The following SLC41A2 variants were observed in gnomAD, a reference collection of about 807,000 sequenced individuals.
The protein encoded by SLC41A2 is SLC41A1-like 1.
A neutral mutation model predicts 58.3 loss-of-function variants in SLC41A2; 32 were observed. The observed-to-expected ratio is 0.55, with a 90% CI of 0.41 to 0.74. The LOEUF (loss-of-function observed/expected upper bound fraction) is 0.74. Among genes scored for constraint, SLC41A2 ranks in the 30% least tolerant of loss-of-function variants. The pLI is 0.00. For missense variants in SLC41A2, 514 were observed against 680.6 expected, an observed-to-expected ratio of 0.76 and a Z score of 2.72; for synonymous variants, 190 against 235.0, an observed-to-expected ratio of 0.81 and a Z score of 1.75.
rs182557895 is a variant in SLC41A2 at position 104,953,002 on chromosome 12, C to T, written c.-168+5086G>A. Among the ~76,000 whole-genome samples the T allele has an allele frequency of 3.3e-3, 500 of 152,296 alleles. 1 individual carries two copies. Among genetic ancestry groups the T allele is most frequent in the African/African-American group, 0.011 (471 of 41,562 alleles). On this transcript the variant is annotated intron_variant, in intron 1 of 10. Transcript: ENST00000258538. ...TTAACCAATGCTTATTACGCTTTATCGTAATGGTACTTGTACTAACTGTTT... is the reference window on the plus strand; with the variant it reads ...TTAACCAATGCTTATTACGCTTTATTGTAATGGTACTTGTACTAACTGTTT...
intron 3 of SLC41A2, among the ~76,000 whole-genome samples, chr12:104,907,270 TC>T (rs2045896975): frequency 6.6e-6 from 1 of 151,630 alleles, no homozygotes; most frequent in South Asian, 2.1e-4. Flanking sequence ...TATTCGAGAT[TC>T]ATTGTATACT....
At chr12:104,921,799 A>G (rs1405900902) in intron 2 of SLC41A2, among the ~76,000 whole-genome samples, 7 of 152,208 alleles carry the variant, frequency 4.6e-5, no homozygotes, top group Non-Finnish European at 8.8e-5. Flanking sequence ...CAAAAACAAT[A>G]ATAGCTACAG....
intron 1 of SLC41A2, chr12:104,931,790 A>T (rs886764764): frequency 6.6e-6 from 1 of 152,248 alleles, no homozygotes; most frequent in Non-Finnish European, 1.5e-5. Flanking sequence ...TGAGAAGAGG[A>T]TCTACAGAAA....
At chr12:104,905,689 C>T (rs1003714504) in intron 3 of SLC41A2, among the ~76,000 whole-genome samples, 16 of 152,254 alleles carry the variant, frequency 1.1e-4, no homozygotes, top group Non-Finnish European at 1.5e-4. Flanking sequence ...GGCGAGAAAT[C>T]GAGCGCAGCG....
intron 8 of SLC41A2, among the ~76,000 whole-genome samples, chr12:104,853,588 A>G (rs1162627796): frequency 6.6e-6 from 1 of 152,170 alleles, no homozygotes; most frequent in Non-Finnish European, 1.5e-5. Flanking sequence ...TTACCTCCCT[A>G]GTCCCTAATC....
chr12:104,840,495 A>G (rs1047089330), intron 10 of SLC41A2, among the ~76,000 whole-genome samples: 8 of 152,254 alleles, frequency 5.3e-5, no homozygotes, highest in Admixed American at 5.2e-4. Flanking sequence ...ATGGTTAGCT[A>G]GATACCAACT....
chr12:104,932,917 A>G (rs1475466458), intron 1 of SLC41A2, among the ~76,000 whole-genome samples: 1 of 152,172 alleles, frequency 6.6e-6, no homozygotes, highest in Non-Finnish European at 1.5e-5. Context: ...TAATACCTAA[A>G]GCCATAAAAA....
intron 2 of SLC41A2, among the ~76,000 whole-genome samples, chr12:104,923,573 T>C (rs574112154): frequency 2.0e-5 from 3 of 151,896 alleles, no homozygotes; most frequent in Non-Finnish European, 4.4e-5. Context: ...AACAAACTTT[T>C]AGCTAGACTA....
rs1177717646 is a variant in SLC41A2, at chr12:104,802,575, T to C, written c.*2577A>G. The stretch of plus-strand genomic sequence containing the variant: ...AACTCTATCAGTCATTGTATTTATT[T>C]ACCAGCATTTATGGCAAATGGCCAG... On this transcript the variant is annotated 3_prime_UTR_variant, in exon 11 of 11. Coordinates refer to ENST00000258538, the MANE Select transcript of SLC41A2 (RefSeq NM_001352171.3). 6.6e-6 allele frequency: 1 copy of C among 152,220 alleles called. No individual in the cohort carries two copies. Among genetic ancestry groups the C allele is most frequent in the African/African-American group, 2.4e-5 (1 of 41,466 alleles). 9.4% of individuals were successfully genotyped at this position (152,220 alleles called of 1,614,324 possible). A position where few individuals can be genotyped will look rare whatever the true frequency, so the allele number is the denominator to read the frequency against.
At chr12:104,901,810 C>T (rs1215373552) in intron 3 of SLC41A2, among the ~76,000 whole-genome samples, 1 of 152,098 alleles carries the variant, frequency 6.6e-6, no homozygotes, top group African/African-American at 2.4e-5. Flanking sequence ...AACGTTTGGT[C>T]TTTAGGTTTA....
chr12:104,948,825 C>T (rs74328306), intron 1 of SLC41A2, among the ~76,000 whole-genome samples: 5,823 of 152,320 alleles, frequency 0.038, 155 homozygotes, highest in East Asian at 0.1. Flanking sequence ...TTTTTGAACA[C>T]AGTTTATTGC....
At chr12:104,952,700 T>TA (rs2048000751) in intron 1 of SLC41A2, among the ~76,000 whole-genome samples, 2 of 152,200 alleles carry the variant, frequency 1.3e-5, no homozygotes, top group Non-Finnish European at 2.9e-5. Context: ...GTATTCCTTT[T>TA]AAAAAACATG....
chr12:104,837,060 T>C (rs1449423211), intron 10 of SLC41A2, among the ~76,000 whole-genome samples: 1 of 152,328 alleles, frequency 6.6e-6, no homozygotes, highest in South Asian at 2.1e-4. Context: ...TAATGGTTTA[T>C]GCTTGCCACC....
chr12:104,844,255 C>A (rs747489224), intron 10 of SLC41A2, among the ~76,000 whole-genome samples: 14 of 152,258 alleles, frequency 9.2e-5, no homozygotes, highest in Non-Finnish European at 1.3e-4. Flanking sequence ...GTGAAATTAT[C>A]TGACTCTATA....
intron 3 of SLC41A2, among the ~76,000 whole-genome samples, chr12:104,906,020 G>C (rs1481427726): frequency 6.6e-6 from 1 of 152,272 alleles, no homozygotes; most frequent in African/African-American, 2.4e-5. Flanking sequence ...AGCCCAGGCA[G>C]GGGAGGTGCC....
intron 2 of SLC41A2, among the ~76,000 whole-genome samples, chr12:104,912,544 G>A (rs2046130858): frequency 6.6e-6 from 1 of 152,194 alleles, no homozygotes; most frequent in African/African-American, 2.4e-5. Flanking sequence ...CACACAGGGA[G>A]GGCATGAAAG....
intron 3 of SLC41A2, among the ~76,000 whole-genome samples, chr12:104,901,475 T>C (rs1157647092): frequency 1.3e-5 from 2 of 152,276 alleles, no homozygotes; most frequent in East Asian, 1.9e-4. Context: ...TCAAGTAAGA[T>C]GGCAAGATAA....
intron 10 of SLC41A2, among the ~76,000 whole-genome samples, chr12:104,819,823 C>A (rs940242032): frequency 6.6e-6 from 1 of 152,154 alleles, no homozygotes; most frequent in Admixed American, 6.5e-5. Flanking sequence ...TCCCCTTTCC[C>A]CAACCCTTCT....
intron 10 of SLC41A2, among the ~76,000 whole-genome samples, chr12:104,839,972 T>C (rs931858065): frequency 1.5e-4 from 23 of 152,248 alleles, no homozygotes; most frequent in Non-Finnish European, 3.2e-4. Flanking sequence ...AACAAAGATG[T>C]ACTGCTGTTC....
Sources: allele counts gnomAD v4.1 joint callset (sites outside exome capture counted in the v4.1 genomes callset), GRCh38; gene constraint gnomAD v4.1.1; transcripts MANE v1.5; gene names NCBI Gene and HGNC (gene_info 2026-07-23, HGNC 2026-07-21).